Variants in R3HCC1L observed in about 807,000 individuals in gnomAD.
R3HCC1L encodes coiled-coil domain-containing protein R3HCC1L.
R3HCC1L carries 51 observed loss-of-function variants against 59.9 expected under a neutral mutation model. The ratio of observed to expected loss-of-function variants is 0.85; its 90% CI spans 0.68 to 1.07. R3HCC1L has a LOEUF of 1.07. Ranked by LOEUF, R3HCC1L falls within the 50% of genes least tolerant of loss-of-function variation. The pLI is 0.00. For missense variants in R3HCC1L, 965 were observed against 933.0 expected, an observed-to-expected ratio of 1.03 and a Z score of -0.45; for synonymous variants, 322 against 315.2, an observed-to-expected ratio of 1.02 and a Z score of -0.23.
intron 4 of R3HCC1L, among the ~76,000 whole-genome samples, chr10:98,195,507 T>TA (rs1851331118): frequency 1.3e-5 from 2 of 152,018 alleles, no homozygotes; most frequent in Non-Finnish European, 1.5e-5. Context: ...AACAAAATGT[T>TA]ACAGTGGTTT....
chr10:98,194,636 A>G (rs919614272), intron 4 of R3HCC1L, among the ~76,000 whole-genome samples: 1 of 152,120 alleles, frequency 6.6e-6, no homozygotes, highest in Non-Finnish European at 1.5e-5. Context: ...GTAACAAATA[A>G]TCTGAATAAA....
At chr10:98,162,066 A>G (rs1193373579) in intron 2 of R3HCC1L, among the ~76,000 whole-genome samples, 3 of 152,026 alleles carry the variant, frequency 2.0e-5, no homozygotes, top group Non-Finnish European at 4.4e-5. Flanking sequence ...GGAATGTTTT[A>G]AAGTTTTCTT....
intron 1 of R3HCC1L, among the ~76,000 whole-genome samples, chr10:98,140,216 C>T (rs192948693): frequency 6.6e-6 from 1 of 152,302 alleles, no homozygotes; most frequent in East Asian, 1.9e-4. Context: ...GTTGGATTTA[C>T]ATCCTGATTT....
At chr10:98,223,582 T>G (rs1486187142) in intron 5 of R3HCC1L, among the ~76,000 whole-genome samples, 1 of 152,040 alleles carries the variant, frequency 6.6e-6, no homozygotes, top group African/African-American at 2.4e-5. Flanking sequence ...GTCAGGCACT[T>G]TGGTTTTGAT....
intron 1 of R3HCC1L, among the ~76,000 whole-genome samples, chr10:98,150,545 T>C (rs573775688): frequency 3.4e-4 from 52 of 152,268 alleles, no homozygotes; most frequent in African/African-American, 1.3e-3. Context: ...GCTAGATTGC[T>C]GCCTCCTTTT....
At chr10:98,207,729 G>A (rs1852862184) in intron 4 of R3HCC1L, among the ~76,000 whole-genome samples, 1 of 152,014 alleles carries the variant, frequency 6.6e-6, no homozygotes, top group African/African-American at 2.4e-5. Context: ...AAAAGGCCGG[G>A]CACAGTGGTT....
chr10:98,152,946 G>T (rs1314843570), intron 1 of R3HCC1L, among the ~76,000 whole-genome samples: 6 of 129,696 alleles, frequency 4.6e-5, no homozygotes. Flanking sequence ...GGAGAGAGGT[G>T]GGGGGTCAGC....
intron 4 of R3HCC1L, among the ~76,000 whole-genome samples, chr10:98,184,151 T>C (rs993343723): frequency 8.5e-5 from 13 of 152,074 alleles, no homozygotes; most frequent in Non-Finnish European, 2.9e-5. Flanking sequence ...TTCTCTAGCA[T>C]TACTTTGTGT....
chr10:98,211,344 C>T (rs1423974367), intron 5 of R3HCC1L: 3 of 1,533,048 alleles, frequency 2.0e-6, no homozygotes, highest in African/African-American at 2.7e-5. Context: ...AACCACTGCT[C>T]AAAGGTAATA....
chr10:98,214,447 G>A (rs1164429007), intron 5 of R3HCC1L, among the ~76,000 whole-genome samples: 2 of 152,086 alleles, frequency 1.3e-5, no homozygotes, highest in East Asian at 1.9e-4. Context: ...GCAGTTAAGT[G>A]GAAGAGAAAA....
intron 1 of R3HCC1L, among the ~76,000 whole-genome samples, chr10:98,152,798 C>T (rs1295655642): frequency 4.0e-5 from 6 of 151,136 alleles, no homozygotes; most frequent in African/African-American, 1.5e-4. Context: ...GCCCGGCAGC[C>T]GCCCCGTCTG....
chr10:98,147,951 A>G (rs886721821), intron 1 of R3HCC1L, among the ~76,000 whole-genome samples: 2 of 152,064 alleles, frequency 1.3e-5, no homozygotes, highest in South Asian at 2.1e-4. Flanking sequence ...GAAGAATGTC[A>G]TTGGTATTTT....
chr10:98,197,661 A>T (rs1851587534), intron 4 of R3HCC1L, among the ~76,000 whole-genome samples: 1 of 152,226 alleles, frequency 6.6e-6, no homozygotes, highest in Non-Finnish European at 1.5e-5. Context: ...TTTATTTAGT[A>T]ACAAATGCAG....
At chr10:98,184,418 C>T (rs1033576861) in intron 4 of R3HCC1L, among the ~76,000 whole-genome samples, 5 of 152,124 alleles carry the variant, frequency 3.3e-5, no homozygotes, top group African/African-American at 1.2e-4. Context: ...CATTGTGTTA[C>T]AGTTGCCTAC....
chr10:98,217,738 TAGTC>T (rs1854379662), intron 5 of R3HCC1L, among the ~76,000 whole-genome samples: 1 of 152,182 alleles, frequency 6.6e-6, no homozygotes, highest in African/African-American at 2.4e-5. Flanking sequence ...TTCGCCTCCT[TAGTC>T]AGATTTACTC....
At chr10:98,200,321 A>G (rs1435027742) in intron 4 of R3HCC1L, among the ~76,000 whole-genome samples, 3 of 152,124 alleles carry the variant, frequency 2.0e-5, no homozygotes, top group Non-Finnish European at 2.9e-5. Flanking sequence ...CATGGTTGCA[A>G]TAGGTGTTAG....
At chr10:98,224,227 A>C (rs935143959) in intron 5 of R3HCC1L, among the ~76,000 whole-genome samples, 1 of 151,770 alleles carries the variant, frequency 6.6e-6, no homozygotes, top group African/African-American at 2.4e-5. Flanking sequence ...TGTGGGTGCC[A>C]GTGGCAGCAG....
intron 5 of R3HCC1L, among the ~76,000 whole-genome samples, chr10:98,219,391 G>A (rs553418214): frequency 5.3e-5 from 8 of 152,288 alleles, no homozygotes; most frequent in African/African-American, 1.9e-4. Flanking sequence ...TTATTAATCT[G>A]TTCAGCCAAA....
At position 98,220,674 on chromosome 10, in the gene R3HCC1L, C is replaced by T. The variant is rs561003763; in HGVS notation, c.1785+10775C>T. Among the ~76,000 whole-genome samples the T allele has an allele frequency of 2.3e-3, 350 of 150,584 alleles. 2 individuals carry two copies. The highest frequency in any genetic ancestry group is 8.1e-3 in the African/African-American group (331 of 41,084). ...ATAGTTTACTGAGAATGATGTTTTC[C>T]AATTTCATCCATGTCCCTACAAAGG... On this transcript the variant is annotated intron_variant, in intron 5 of 9. Transcript: ENST00000298999.
Sources: allele counts gnomAD v4.1 joint callset (sites outside exome capture counted in the v4.1 genomes callset), GRCh38; gene constraint gnomAD v4.1.1; transcripts MANE v1.5; gene names NCBI Gene and HGNC (gene_info 2026-07-23, HGNC 2026-07-21).